The following SNIP1 variants were observed in gnomAD, a reference collection of about 807,000 sequenced individuals.
The protein encoded by SNIP1 is smad nuclear-interacting protein 1.
A neutral mutation model predicts 37.4 loss-of-function variants in SNIP1; 23 were observed. The ratio of observed to expected loss-of-function variants is 0.61; its 90% CI spans 0.44 to 0.87. SNIP1 has a LOEUF of 0.87. Ranked by LOEUF, SNIP1 falls within the 40% of genes least tolerant of loss-of-function variation. The probability of loss-of-function intolerance (pLI) is 0.00; values close to 1 mark genes in which losing one functional copy is unlikely to be tolerated. For missense variants in SNIP1, 459 were observed against 540.4 expected, an observed-to-expected ratio of 0.85 and a Z score of 1.49; for synonymous variants, 174 against 200.0, an observed-to-expected ratio of 0.87 and a Z score of 1.10.
chr1:37,552,778 C>T (rs1643315519), intron 1 of SNIP1, 31 bp from the exon 2 acceptor site: 2 of 1,563,566 alleles, frequency 1.3e-6, no homozygotes, highest in Non-Finnish European at 8.8e-7. Flanking sequence ...AGGATTTTAT[C>T]GCAATTTCCC....
chr1:37,552,599 A>T (rs2148118167), intron 2 of SNIP1, 46 bp downstream of exon 2: 1 of 1,465,042 alleles, frequency 6.8e-7, no homozygotes, highest in East Asian at 2.3e-5. Flanking sequence ...CTGTGATAGG[A>T]AAAGGCTCTC....
At chr1:37,548,787 T>C (rs1025063404) in intron 2 of SNIP1, 1 of 151,354 alleles carries the variant, frequency 6.6e-6, no homozygotes, top group African/African-American at 2.4e-5. Flanking sequence ...TCCCTCAAAA[T>C]TGAGAATAAG....
chr1:37,544,566 C>T (rs117061219), intron 2 of SNIP1, among the ~76,000 whole-genome samples: 1 of 152,098 alleles, frequency 6.6e-6, no homozygotes, highest in East Asian at 1.9e-4. Flanking sequence ...AAAAATGAGA[C>T]GTTCTTTGCG....
In SNIP1 at chr1:37,537,891, A is replaced by G. The variant is rs772192233; in HGVS notation, c.1048T>C (p.Tyr350His). 1.2e-6 allele frequency: 2 copies of G among 1,614,172 alleles called. No homozygotes were observed. Among genetic ancestry groups the G allele is most frequent in the Non-Finnish European group, 1.7e-6 (2 of 1,180,032 alleles). ...AGTACATCCTTTTCTTTTAGTTCAT[A>G]GTATCTCTGTGGCTCAATACGTTTG... ...NNKRIEPQRY[Y>H]ELKEKDVLKF... Residue 350 changes from tyrosine to histidine, a missense_variant, in exon 4 of 4, where the codon TAT (tyrosine) becomes CAT (histidine). By Grantham distance (83) the Tyr-to-His change is moderately conservative (BLOSUM62 2). Transcript: ENST00000296215.
At chr1:37,538,133 G>A in intron 3 of SNIP1, 121 bp from the exon 4 acceptor site, 1 of 1,183,500 alleles carries the variant, frequency 8.4e-7, no homozygotes, top group South Asian at 1.7e-5. Context: ...CACAATTCAA[G>A]TTAAAATTCT....
intron 1 of SNIP1, among the ~76,000 whole-genome samples, chr1:37,553,319 G>T (rs1643325225): frequency 6.6e-6 from 1 of 152,196 alleles, no homozygotes; most frequent in Non-Finnish European, 1.5e-5. Flanking sequence ...CACCTCTTTA[G>T]AGAGTCCTCC....
Position 37,544,949 on chromosome 1 carries a change from A to C in SNIP1, c.328-4194T>G. On this transcript the variant is annotated intron_variant, in intron 2 of 3. Transcript: ENST00000296215. Reference sequence around the variant, plus strand: ...ATCTCATGAGGAGAGGGAACATGCCAAGAAACTGATGAAGCTGCAGAACCA... The same window carrying C: ...ATCTCATGAGGAGAGGGAACATGCCCAGAAACTGATGAAGCTGCAGAACCA... 3.6e-6 allele frequency: 3 copies of C among 837,486 alleles called. No homozygotes were observed. In the South Asian group the frequency reaches 4.0e-5, roughly 11 times the overall value. The allele number at this position is 837,486 out of a possible 1,614,324, so 51.9% of individuals were successfully genotyped here. A position where few individuals can be genotyped will look rare whatever the true frequency, so the allele number is the denominator to read the frequency against.
In SNIP1 at chr1:37,540,711, G is replaced by A; in HGVS notation, c.372C>T (p.His124=). Residue 124 remains histidine (H), a synonymous_variant, in exon 3 of 4, where the codon CAC becomes CAT. Coordinates refer to ENST00000296215, the MANE Select transcript of SNIP1 (RefSeq NM_024700.4). This position sits in a 1 kb window ranked among gnomAD's most constrained non-coding sequence, Gnocchi z 5.6. The stretch of plus-strand genomic sequence containing the variant: ...TGTGTTCCTGTTCTGATGGTTCCCT[G>A]TGCTGCCGATCCTCCCGTCCTCTCC... ...HPRRGREDRQ[H]REPSEQEHRR... is the part of the protein sequence containing the mutation. 6.2e-7 allele frequency: 1 copy of A among 1,613,168 alleles called. No homozygotes were observed. Among genetic ancestry groups the A allele is most frequent in the Non-Finnish European group, 8.5e-7 (1 of 1,179,768 alleles).
chr1:37,545,749 G>A (rs566737822), intron 2 of SNIP1, among the ~76,000 whole-genome samples: 1 of 152,178 alleles, frequency 6.6e-6, no homozygotes, highest in Non-Finnish European at 1.5e-5. Context: ...CTTGCGTCCA[G>A]GAGTTCGAGA....
chr1:37,538,571 G>C (rs976672566), intron 3 of SNIP1, among the ~76,000 whole-genome samples: 7 of 150,758 alleles, frequency 4.6e-5, no homozygotes, highest in African/African-American at 1.7e-4. Context: ...ATCCATGGTA[G>C]ATCAAAAGGT....
chr1:37,539,361 C>T (rs1370295426), intron 3 of SNIP1, among the ~76,000 whole-genome samples: 1 of 152,078 alleles, frequency 6.6e-6, no homozygotes, highest in Non-Finnish European at 1.5e-5. Context: ...TCTCATCTGT[C>T]AAATGGGGAT....
Position 37,537,811 on chromosome 1 carries a change from A to T in SNIP1, c.1128T>A (p.Thr376=). The part of the protein sequence containing the change: ...EYVLLHESSD[T]SEIDRKDDED... ...CGTCATCTTTCCTGTCTATTTCAGAAGTGTCCGACGACTCATGGAGCAAGA... is the reference window on the plus strand; with the variant it reads ...CGTCATCTTTCCTGTCTATTTCAGATGTGTCCGACGACTCATGGAGCAAGA... The change falls in exon 4 of 4, where the codon ACT becomes ACA. Residue 376 remains threonine, a synonymous_variant. Transcript: ENST00000296215. 2 of 1,614,212 alleles carry T rather than the reference A, an allele frequency of 1.2e-6. No individual in the cohort carries two copies. The highest frequency in any genetic ancestry group is 1.7e-6 in the Non-Finnish European group (2 of 1,180,024).
chr1:37,541,974 G>A (rs1643179788), intron 2 of SNIP1, among the ~76,000 whole-genome samples: 1 of 151,920 alleles, frequency 6.6e-6, no homozygotes, highest in Middle Eastern at 3.4e-3. Flanking sequence ...TCTTACTATC[G>A]ATCTTAGCAA....
In SNIP1 at chr1:37,536,059, A is replaced by G. The variant is rs1034582997; in HGVS notation, c.*1689T>C. The G allele has an allele frequency of 1.3e-5, 2 of 152,176 alleles. No homozygotes were observed. The highest frequency in any genetic ancestry group is 4.8e-5 in the African/African-American group (2 of 41,436). The allele number at this position is 152,176 out of a possible 1,614,324, so 9.4% of individuals were successfully genotyped here. A position where few individuals can be genotyped will look rare whatever the true frequency, so the allele number is the denominator to read the frequency against. ...ACTCCTGACCTCAGATGATCTGCCC[A>G]CCTCAGCCTCCGAAAGTGTTGGGAT... On this transcript the variant is annotated 3_prime_UTR_variant, in exon 4 of 4. Transcript: ENST00000296215.
rs554692535 is a variant in SNIP1 at position 37,543,825 on chromosome 1, C to CT, written c.328-3071dup. Among the ~76,000 whole-genome samples the CT allele has an allele frequency of 8.6e-5, 13 of 151,786 alleles. No homozygotes were observed. The South Asian group carries it at 2.7e-3, about 32-fold the overall frequency. ...CACACAAGGAAATGGAAACAAGCCA[C>CT]TGAGCATGAGAGGCAGCAGAAACAA... On this transcript the variant is annotated intron_variant, in intron 2 of 3. Coordinates refer to ENST00000296215, the MANE Select transcript of SNIP1 (RefSeq NM_024700.4).
In SNIP1 at chr1:37,552,717, T is replaced by C; in HGVS notation, c.255A>G (p.Ser85=). 1.2e-6 allele frequency: 2 copies of C among 1,614,204 alleles called. No individual in the cohort carries two copies. ...RSPPKKKNKA[S]GRRSKSPRSK... ...TGCGAGGAGACTTGCTTCTTCTCCCTGAGGCCTTGTTTTTCTTTTTGGGTG... is the reference window on the plus strand; with the variant it reads ...TGCGAGGAGACTTGCTTCTTCTCCCCGAGGCCTTGTTTTTCTTTTTGGGTG... The change falls in exon 2 of 4, where the codon TCA becomes TCG. Residue 85 remains serine, a synonymous_variant. Coordinates refer to ENST00000296215, the MANE Select transcript of SNIP1 (RefSeq NM_024700.4).
chr1:37,546,254 AAG>A (rs1557627143), intron 2 of SNIP1, among the ~76,000 whole-genome samples: 1 of 151,662 alleles, frequency 6.6e-6, no homozygotes, highest in Non-Finnish European at 1.5e-5. Context: ...GACATGCATC[AAG>A]AGAGAGCCTC....
chr1:37,554,098 G>C lies in SNIP1; in HGVS notation c.132C>G (p.Arg44=), dbSNP rs12406905. The part of the protein sequence containing the change: ...LSPEVAPPAH[R]RPDHSGGSPS... ...GGCTACCACCGGAGTGGTCCGGACG[G>C]CGGTGGGCGGGAGGTGCGACTTCTG... The change falls in exon 1 of 4, where the codon CGC becomes CGG. Residue 44 remains arginine, a synonymous_variant. Transcript: ENST00000296215. The C allele has an allele frequency of 1.3e-5, 21 of 1,610,978 alleles. No individual in the cohort carries two copies. Among genetic ancestry groups the C allele is most frequent in the Non-Finnish European group, 1.8e-5 (21 of 1,179,024 alleles).
Position 37,549,603 on chromosome 1 carries a change from G to A in SNIP1, c.327+3042C>T, listed in dbSNP as rs189205728. 3.9e-3 allele frequency among the ~76,000 whole-genome samples: 586 copies of A among 152,184 alleles called. 4 individuals carry two copies. The highest frequency in any genetic ancestry group is 0.013 in the African/African-American group (538 of 41,504). ...AATTTTTGTATTTTTTGTACAGATG[G>A]GTTTCACCATGTTGCCCAGGCTGGT... On this transcript the variant is annotated intron_variant, in intron 2 of 3. Transcript: ENST00000296215.
Sources: gnomAD v4.1 joint callset for allele counts (sites outside exome capture counted in the v4.1 genomes callset) on GRCh38, gnomAD v4.1.1 for gene constraint, Gnocchi (gnomAD v3.1) non-coding constraint, MANE v1.5 for transcripts, NCBI Gene and HGNC (gene_info 2026-07-23, HGNC 2026-07-21) for gene names.